Variants in SCN4A observed in about 807,000 individuals in gnomAD.
The protein encoded by SCN4A is sodium voltage-gated channel alpha subunit 4.
SCN4A carries 83 observed loss-of-function variants against 162.0 expected under a neutral mutation model. That is an observed-to-expected ratio of 0.51 (90% CI 0.43 to 0.61). The LOEUF (loss-of-function observed/expected upper bound fraction) is 0.61. SCN4A is among the 20% of genes least tolerant of loss of function. The pLI is 0.00. For synonymous variants in SCN4A, 944 were observed against 985.1 expected (o/e 0.96, Z 0.78); for missense variants, 2,196 against 2,462.5 (o/e 0.89, Z 2.29).
chr17:63,951,821 A>C lies in SCN4A; in HGVS notation c.2456T>G (p.Met819Arg). Residue 819 changes from methionine to arginine, a missense_variant, in exon 14 of 24, where the codon ATG becomes AGG. Physicochemically the swap from Met to Arg is moderately conservative, Grantham distance 91. Transcript: ENST00000435607. This position sits in a 1 kb window ranked among gnomAD's most constrained non-coding sequence, Gnocchi z 4.5. ...SLAASDEDGE[M>R]NNLQIAIGRI... is the part of the protein sequence containing the mutation. Reference sequence around the variant, plus strand: ...CCCGATGGCAATCTGCAGGTTGTTCATCTCGCCATCCTCATCCGAGGCTGC... The same window carrying C: ...CCCGATGGCAATCTGCAGGTTGTTCCTCTCGCCATCCTCATCCGAGGCTGC... The C allele has an allele frequency of 6.3e-7, 1 of 1,579,192 alleles. No individual in the cohort carries two copies.
rs1051800743 is a variant in SCN4A, at chr17:63,950,446, G to A, written c.2854-918C>T. On this transcript the variant is annotated intron_variant, in intron 14 of 23. Transcript: ENST00000435607. The surrounding 1 kb of genome is among the most constrained non-coding windows in gnomAD (Gnocchi z 4.6). ...GAACAAGTCCCCAGGCCCCGGCCCC[G>A]GCCCCGGGGAGCCTGGGACTTTGGT... Among the ~76,000 whole-genome samples the A allele has an allele frequency of 4.6e-5, 7 of 152,114 alleles. No homozygotes were observed. The highest frequency in any genetic ancestry group is 7.4e-5 in the Non-Finnish European group (5 of 67,998).
At chr17:63,955,107 C>G (rs144686586) in intron 13 of SCN4A, among the ~76,000 whole-genome samples, 1 of 152,202 alleles carries the variant, frequency 6.6e-6, no homozygotes, top group African/African-American at 2.4e-5. Context: ...ATCATTATTA[C>G]GATACTGTTG....
At position 63,972,667 on chromosome 17, in the gene SCN4A, C is replaced by G; in HGVS notation, c.175G>C (p.Glu59Gln). ...ATCATGGGTAGGTTCTTGCCAGCCT[C>G]CAAGTCACTTCGTGGCTTCCGTTCG... ...EPERKPRSDL[E>Q]AGKNLPMIYG... The change falls in exon 1 of 24, where the codon GAG (glutamate) becomes CAG (glutamine). Residue 59 changes from glutamate to glutamine, a missense_variant. Coordinates refer to ENST00000435607, the MANE Select transcript of SCN4A (RefSeq NM_000334.4). This position sits in a 1 kb window ranked among gnomAD's most constrained non-coding sequence, Gnocchi z 4.3. 6.2e-7 allele frequency: 1 copy of G among 1,613,436 alleles called. No individual in the cohort carries two copies. The highest frequency in any genetic ancestry group is 8.5e-7 in the Non-Finnish European group (1 of 1,179,654).
chr17:63,941,116 G>A lies in SCN4A; in HGVS notation c.5166C>T (p.Leu1722=). ...KVSYEPITTT[L]KRKHEEVCAI... ...CGCACACCTCCTCGTGCTTCCTCTT[G>A]AGGGTGGTGGTGATGGGCTCGTAGG... is the stretch of plus-strand genomic sequence containing the variant. Residue 1722 remains leucine, a synonymous_variant, in exon 24 of 24, where the codon CTC becomes CTT. Transcript: ENST00000435607. This position sits in a 1 kb window ranked among gnomAD's most constrained non-coding sequence, Gnocchi z 6.2. 6.2e-7 allele frequency: 1 copy of A among 1,613,996 alleles called. No individual in the cohort carries two copies. Among genetic ancestry groups the A allele is most frequent in the South Asian group, 1.1e-5 (1 of 91,086 alleles).
intron 18 of SCN4A, 27 bp downstream of exon 18, chr17:63,947,014 AGCCC>A: frequency 5.6e-6 from 4 of 716,378 alleles, no homozygotes; most frequent in Non-Finnish European, 6.9e-6. Context: ...CCCCATCCCC[AGCCC>A]ACCCCAGAGG....
rs753173911 is a variant in SCN4A, at chr17:63,945,451, T to C, written c.3629A>G (p.Glu1210Gly). 7.4e-6 allele frequency: 12 copies of C among 1,613,844 alleles called. No individual in the cohort carries two copies. The South Asian group carries it at 1.3e-4, about 18-fold the overall frequency. ...ISEVNNKSEC[E>G]SLMHTGQVRW... ...GACCTGGCCTGTGTGCATGAGGCTCTCGCACTCAGACTTGTTGTTGACCTC... is the reference window on the plus strand; with the variant it reads ...GACCTGGCCTGTGTGCATGAGGCTCCCGCACTCAGACTTGTTGTTGACCTC... The change falls in exon 19 of 24, where the codon GAG becomes GGG. Residue 1210 changes from glutamate to glycine, a missense_variant. By Grantham distance (98) the Glu-to-Gly change is moderately conservative (BLOSUM62 -2). Transcript: ENST00000435607. This position sits in a 1 kb window ranked among gnomAD's most constrained non-coding sequence, Gnocchi z 4.4.
At position 63,950,002 on chromosome 17, in the gene SCN4A, A is replaced by G. The variant is rs1026009294; in HGVS notation, c.2854-474T>C. On this transcript the variant is annotated intron_variant, in intron 14 of 23. Transcript: ENST00000435607. This position sits in a 1 kb window ranked among gnomAD's most constrained non-coding sequence, Gnocchi z 4.6. ...CAGGGTCTGTTTGGCTGAGGAATCC[A>G]GAAAGGGTGGAAAATGTTCCCCAGC... Among the ~76,000 whole-genome samples, 1 of 152,178 alleles carries G rather than the reference A, an allele frequency of 6.6e-6. No homozygotes were observed. Among genetic ancestry groups the G allele is most frequent in the Non-Finnish European group, 1.5e-5 (1 of 68,020 alleles).
In SCN4A at chr17:63,972,034, G is replaced by T; in HGVS notation, c.482+102C>A. The T allele has an allele frequency of 1.8e-6, 2 of 1,086,298 alleles. No individual in the cohort carries two copies. Among genetic ancestry groups the T allele is most frequent in the Non-Finnish European group, 2.8e-6 (2 of 725,472 alleles). 67.3% of individuals were successfully genotyped at this position (1,086,298 alleles called of 1,614,324 possible). ...GGTGTGGATGAGGGTCACAATGACA[G>T]TGTGTCTCCCTGAAAGACAAGAGCA... On this transcript the variant is annotated intron_variant, in intron 3 of 23. Transcript: ENST00000435607. This position sits in a 1 kb window ranked among gnomAD's most constrained non-coding sequence, Gnocchi z 4.3.
rs2144813120 is a variant in SCN4A, at chr17:63,971,177, T to C, written c.688A>G (p.Ile230Val). ...TCCCCAGTACCTGGGATGACCGTGATGGTTTTGAGGGCCCGCAGCACCCGG... is the reference window on the plus strand; with the variant it reads ...TCCCCAGTACCTGGGATGACCGTGACGGTTTTGAGGGCCCGCAGCACCCGG... ...TFRVLRALKT[I>V]TVIPGLKTIV... The change falls in exon 5 of 24, where the codon ATC becomes GTC. Residue 230 changes from isoleucine to valine, a missense_variant. Ile to Val is a conservative substitution (Grantham distance 29). Coordinates refer to ENST00000435607, the MANE Select transcript of SCN4A (RefSeq NM_000334.4). 2.6e-6 allele frequency: 4 copies of C among 1,558,600 alleles called. No individual in the cohort carries two copies. The highest frequency in any genetic ancestry group is 3.5e-6 in the Non-Finnish European group (4 of 1,150,310).
chr17:63,947,778 C>A, intron 17 of SCN4A, 112 bp downstream of exon 17: 1 of 1,051,330 alleles, frequency 9.5e-7, no homozygotes, highest in Non-Finnish European at 1.4e-6. Flanking sequence ...GAGGGTCTGA[C>A]TCTGGGGGTG....
Position 63,963,778 on chromosome 17 carries a change from T to C in SCN4A, c.1500A>G (p.Pro500=). 3 of 1,607,940 alleles carry C rather than the reference T, an allele frequency of 1.9e-6. No individual in the cohort carries two copies. The South Asian group carries it at 3.3e-5, about 18-fold the overall frequency. ...TGCCATTGCAGTCTTTGCCATGGGC[T>C]GGGTCCCCATCTGCCTCCCCACCTT... ...ALEGGEADGD[P]AHGKDCNGSL... Residue 500 remains proline, a synonymous_variant, in exon 10 of 24, where the codon CCA becomes CCG. Transcript: ENST00000435607.
Position 63,955,575 on chromosome 17 carries a change from G to A in SCN4A, c.2376+1587C>T, listed in dbSNP as rs115480122. 6.0e-3 allele frequency among the ~76,000 whole-genome samples: 907 copies of A among 152,284 alleles called. 8 individuals are homozygous for A. The highest frequency in any genetic ancestry group is 0.021 in the African/African-American group (859 of 41,546). Reference sequence around the variant, plus strand: ...CCCAGTCAGTGAGTGGCAAAGTGGGGATTTAAAACGTTTCTGAGTTTCCAC... The same window carrying A: ...CCCAGTCAGTGAGTGGCAAAGTGGGAATTTAAAACGTTTCTGAGTTTCCAC... On this transcript the variant is annotated intron_variant, in intron 13 of 23. Transcript: ENST00000435607.
rs953557643 is a variant in SCN4A at position 63,957,476 on chromosome 17, T to C, written c.2062A>G (p.Met688Val). 12 of 1,613,590 alleles carry C rather than the reference T, an allele frequency of 7.4e-6. No individual in the cohort carries two copies. Among genetic ancestry groups the C allele is most frequent in the Non-Finnish European group, 9.3e-6 (11 of 1,179,582 alleles). Residue 688 changes from methionine to valine, a missense_variant, in exon 13 of 24, where the codon ATG becomes GTG. Coordinates refer to ENST00000435607, the MANE Select transcript of SCN4A (RefSeq NM_000334.4). ...GAATTGCCAATGATCTTGATGAGCA[T>C]GTTCAGCGTTGGCCACGACTTGGCC... ...KLAKSWPTLN[M>V]LIKIIGNSVG...
Position 63,971,269 on chromosome 17 carries a change from AGGGGGGTGGG to A in SCN4A, c.612-26_612-17del. Reference sequence around the variant, plus strand: ...TGTCAGGTACCTGGGTAGGGGGTGGAGGGGGGTGGGGACTGTCAGAGCCTGGGGTGGGTGG... The same window carrying A: ...TGTCAGGTACCTGGGTAGGGGGTGGAGACTGTCAGAGCCTGGGGTGGGTGG... On this transcript the variant is annotated splice_polypyrimidine_tract_variant and intron_variant, in intron 4 of 23. Transcript: ENST00000435607. The A allele has an allele frequency of 7.4e-6, 3 of 403,762 alleles. No homozygotes were observed. Among genetic ancestry groups the A allele is most frequent in the Non-Finnish European group, 1.2e-5 (3 of 241,834 alleles). The allele number at this position is 403,762 out of a possible 1,614,324, so 25.0% of individuals were successfully genotyped here.
At chr17:63,953,087 G>A (rs541778472) in intron 13 of SCN4A, among the ~76,000 whole-genome samples, 5 of 152,286 alleles carry the variant, frequency 3.3e-5, no homozygotes, top group African/African-American at 1.2e-4. Context: ...AAGCCCAGGC[G>A]CAGTGGCTCA....
rs552044668 is a variant in SCN4A, at chr17:63,950,064, T to G, written c.2854-536A>C. On this transcript the variant is annotated intron_variant, in intron 14 of 23. Transcript: ENST00000435607. This position sits in a 1 kb window ranked among gnomAD's most constrained non-coding sequence, Gnocchi z 4.6. ...TCCAGTGCCAAGGGAACCTGATCAG[T>G]GTTGGGAGCGGGAGTGGGGGAGGCG... 7.9e-5 allele frequency among the ~76,000 whole-genome samples: 12 copies of G among 151,992 alleles called. No individual in the cohort carries two copies. In the East Asian group the frequency reaches 1.2e-3, roughly 15 times the overall value.
rs764626013 is a variant in SCN4A at position 63,972,736 on chromosome 17, C to T, written c.106G>A (p.Glu36Lys). 8 of 1,613,624 alleles carry T rather than the reference C, an allele frequency of 5.0e-6. No individual in the cohort carries two copies. Among genetic ancestry groups the T allele is most frequent in the South Asian group, 1.1e-5 (1 of 91,032 alleles). ...AAIEQRAVEE[E>K]ARLQRNKQME... is the part of the protein sequence containing the mutation. ...TGCTTATTCCGCTGCAGCCGGGCCT[C>T]CTCCTCCACCGCCCGCTGTTCTATG... The change falls in exon 1 of 24, where the codon GAG becomes AAG. Residue 36 changes from glutamate to lysine, a missense_variant. By Grantham distance (56) the Glu-to-Lys change is moderately conservative. Coordinates refer to ENST00000435607, the MANE Select transcript of SCN4A (RefSeq NM_000334.4). The surrounding 1 kb of genome is among the most constrained non-coding windows in gnomAD (Gnocchi z 4.3).
intron 10 of SCN4A, among the ~76,000 whole-genome samples, chr17:63,963,414 C>T (rs1363671999): frequency 6.6e-6 from 1 of 152,182 alleles, no homozygotes; most frequent in Non-Finnish European, 1.5e-5. Context: ...TAGAACTGGG[C>T]CAGGTTAAGA....
intron 11 of SCN4A, among the ~76,000 whole-genome samples, chr17:63,960,970 C>G (rs2144797858): frequency 6.6e-6 from 1 of 151,784 alleles, no homozygotes; most frequent in East Asian, 1.9e-4. Flanking sequence ...AACCCCATCT[C>G]CCTGCCCCTA....
Sources: allele counts gnomAD v4.1 joint callset (sites outside exome capture counted in the v4.1 genomes callset), GRCh38; gene constraint gnomAD v4.1.1; non-coding constraint Gnocchi (gnomAD v3.1); transcripts MANE v1.5; gene names NCBI Gene and HGNC (gene_info 2026-07-23, HGNC 2026-07-21).